Variants in TRAPPC9 observed in about 807,000 individuals in gnomAD.
The protein encoded by TRAPPC9 is IKK2 binding protein.
Under a neutral mutation model 124.0 loss-of-function variants are expected in TRAPPC9, and 83 were observed. The observed-to-expected ratio is 0.67, with a 90% confidence interval of 0.56 to 0.80. The LOEUF (loss-of-function observed/expected upper bound fraction) is 0.80. Ranked by LOEUF, TRAPPC9 falls within the 30% of genes least tolerant of loss-of-function variation. The pLI is 0.00. For missense variants in TRAPPC9, 1,302 were observed against 1,508.3 expected (o/e 0.86, Z 2.27); for synonymous variants, 638 against 617.5 (o/e 1.03, Z -0.49).
intron 5 of TRAPPC9, among the ~76,000 whole-genome samples, chr8:140,425,121 C>T (rs556944931): frequency 2.6e-5 from 4 of 152,314 alleles, no homozygotes; most frequent in South Asian, 2.1e-4. Context: ...AAAGGACCAA[C>T]GCTTGAAAGA....
At chr8:140,437,008 G>C (rs1423339845) in intron 3 of TRAPPC9, among the ~76,000 whole-genome samples, 5 of 152,164 alleles carry the variant, frequency 3.3e-5, no homozygotes, top group African/African-American at 1.2e-4. Context: ...CTCTTGCTCA[G>C]GATGGAGTGC....
chr8:140,204,541 G>A (rs1323553356), intron 17 of TRAPPC9, among the ~76,000 whole-genome samples: 1 of 152,038 alleles, frequency 6.6e-6, no homozygotes, highest in Non-Finnish European at 1.5e-5. Flanking sequence ...GTTAACGGGT[G>A]CAGCCCACCA....
chr8:139,827,744 G>A (rs1825734688), intron 21 of TRAPPC9, among the ~76,000 whole-genome samples: 1 of 152,228 alleles, frequency 6.6e-6, no homozygotes, highest in African/African-American at 2.4e-5. Context: ...TGCTATCAAG[G>A]AACACCTAGG....
chr8:139,900,805 A>T (rs1042186623), intron 20 of TRAPPC9, among the ~76,000 whole-genome samples: 2 of 152,060 alleles, frequency 1.3e-5, no homozygotes, highest in African/African-American at 4.8e-5. Context: ...CAGCTTTGAG[A>T]TCCTGTCTAT....
chr8:140,069,527 T>A (rs889729974), intron 17 of TRAPPC9, among the ~76,000 whole-genome samples: 1 of 128,294 alleles, frequency 7.8e-6, no homozygotes, highest in Non-Finnish European at 1.6e-5. Flanking sequence ...TAAATGAGTA[T>A]AATCTGCATA....
intron 2 of TRAPPC9, among the ~76,000 whole-genome samples, chr8:140,448,776 C>T (rs1407004439): frequency 6.6e-6 from 1 of 152,228 alleles, no homozygotes; most frequent in East Asian, 1.9e-4. Flanking sequence ...GCGCTATTCA[C>T]GAGGCACAGG....
chr8:139,966,721 AAT>A (rs2131589296), intron 19 of TRAPPC9, among the ~76,000 whole-genome samples: 1 of 152,292 alleles, frequency 6.6e-6, no homozygotes, highest in African/African-American at 2.4e-5. Flanking sequence ...GGTTGAGTCT[AAT>A]AAGTGCTCAA....
intron 21 of TRAPPC9, among the ~76,000 whole-genome samples, chr8:139,747,474 GTCAGAGCAGGTGGGAGGTGTGCAGGA>G (rs1818981432): frequency 4.0e-5 from 1 of 25,244 alleles, no homozygotes; most frequent in African/African-American, 8.1e-5. Flanking sequence ...CTGTGCAGGG[GTCAGAGCAGGTGGGAGGTGTGCAGGA>G]TCAGAGAAGA....
chr8:139,823,073 C>T (rs983471532), intron 21 of TRAPPC9, among the ~76,000 whole-genome samples: 4 of 152,176 alleles, frequency 2.6e-5, no homozygotes, highest in African/African-American at 9.7e-5. Context: ...CATCCTCATC[C>T]CCCATTTAAG....
At chr8:139,998,751 CA>C (rs766059701) in intron 18 of TRAPPC9, among the ~76,000 whole-genome samples, 1 of 150,986 alleles carries the variant, frequency 6.6e-6, no homozygotes, top group Non-Finnish European at 1.5e-5. Flanking sequence ...TAAAACAAAA[CA>C]AAAAAAAACA....
chr8:139,865,696 C>T (rs372190520), intron 21 of TRAPPC9, among the ~76,000 whole-genome samples: 1 of 152,166 alleles, frequency 6.6e-6, no homozygotes, highest in Non-Finnish European at 1.5e-5. Context: ...AGCCTGAAGC[C>T]ATGGGGTCCC....
intron 2 of TRAPPC9, among the ~76,000 whole-genome samples, chr8:140,442,691 A>G (rs2071065326): frequency 6.6e-6 from 1 of 152,064 alleles, no homozygotes; most frequent in Non-Finnish European, 1.5e-5. Flanking sequence ...ATTCTAGTCC[A>G]AAAAACAATT....
At chr8:139,925,814 C>CGCACAG (rs1401299472) in intron 19 of TRAPPC9, among the ~76,000 whole-genome samples, 1 of 90,736 alleles carries the variant, frequency 1.1e-5, no homozygotes, top group Non-Finnish European at 2.2e-5. Context: ...CACACGCACA[C>CGCACAG]GCACACGCAC....
At chr8:140,300,816 AT>A (rs1701692374) in intron 10 of TRAPPC9, among the ~76,000 whole-genome samples, 1 of 152,236 alleles carries the variant, frequency 6.6e-6, no homozygotes, top group African/African-American at 2.4e-5. Context: ...GACAGGGGAA[AT>A]CACTCCCTGG....
At chr8:140,190,831 G>A (rs2062474081) in intron 17 of TRAPPC9, among the ~76,000 whole-genome samples, 2 of 152,176 alleles carry the variant, frequency 1.3e-5, no homozygotes, top group African/African-American at 4.8e-5. Flanking sequence ...AAAGAAAGAA[G>A]GTCAAATATA....
intron 21 of TRAPPC9, among the ~76,000 whole-genome samples, chr8:139,873,501 C>T (rs1186994154): frequency 6.6e-6 from 1 of 152,162 alleles, no homozygotes; most frequent in East Asian, 1.9e-4. Flanking sequence ...TGCACTTGCT[C>T]TCCCTCAGTG....
chr8:140,238,986 G>A (rs988146700), intron 16 of TRAPPC9, among the ~76,000 whole-genome samples: 1 of 152,208 alleles, frequency 6.6e-6, no homozygotes, highest in African/African-American at 2.4e-5. Context: ...AAGAGTGGAG[G>A]GGCCCGGGCG....
intron 11 of TRAPPC9, among the ~76,000 whole-genome samples, chr8:140,296,234 G>A (rs1333092679): frequency 1.3e-5 from 2 of 152,180 alleles, no homozygotes; most frequent in African/African-American, 4.8e-5. Context: ...AATACAGATT[G>A]TAATTTTCAC....
chr8:139,909,997 C>G (rs1045642601), intron 20 of TRAPPC9, 150 bp downstream of exon 20: 5 of 884,716 alleles, frequency 5.7e-6, no homozygotes, highest in Non-Finnish European at 8.6e-6. Flanking sequence ...TAAGGAAATG[C>G]CAAGCCTTTG....
Sources: gnomAD v4.1 joint callset for allele counts (sites outside exome capture counted in the v4.1 genomes callset) on GRCh38, gnomAD v4.1.1 for gene constraint, MANE v1.5 for transcripts, NCBI Gene and HGNC (gene_info 2026-07-23, HGNC 2026-07-21) for gene names.